The following SPARCL1 variants were observed in gnomAD, a reference collection of about 807,000 sequenced individuals.
The protein encoded by SPARCL1 is SPARC-like protein 1.
Under a neutral mutation model 67.1 loss-of-function variants are expected in SPARCL1, and 52 were observed. The ratio of observed to expected loss-of-function variants is 0.78; its 90% CI spans 0.62 to 0.98. The LOEUF (loss-of-function observed/expected upper bound fraction) is 0.98. Among genes scored for constraint, SPARCL1 ranks in the 50% least tolerant of loss-of-function variants. The pLI, the probability that SPARCL1 is intolerant of heterozygous loss-of-function variation, is 0.00. For synonymous variants in SPARCL1, 226 were observed against 267.8 expected, an observed-to-expected ratio of 0.84 and a Z score of 1.52; for missense variants, 717 against 782.4, an observed-to-expected ratio of 0.92 and a Z score of 1.00.
intron 7 of SPARCL1, among the ~76,000 whole-genome samples, chr4:87,485,560 C>A (rs1247530076): frequency 6.8e-6 from 1 of 146,966 alleles, no homozygotes; most frequent in African/African-American, 2.5e-5. Flanking sequence ...GTTTTGGTAT[C>A]AGGATGATGC....
Position 87,499,505 on chromosome 4 carries a change from A to AAG in SPARCL1, c.54+14_54+15dup. ...TCAGGAGAAAGAGATGTAATAACAG[A>AAG]AGAAAGGAAATTTACCGGGATTGCA... On this transcript the variant is annotated intron_variant, in intron 2 of 10. Coordinates refer to ENST00000282470, the MANE Select transcript of SPARCL1 (RefSeq NM_004684.6). 1 of 1,599,574 alleles carries AAG rather than the reference A, an allele frequency of 6.3e-7. No individual in the cohort carries two copies. Among genetic ancestry groups the AAG allele is most frequent in the Non-Finnish European group, 8.5e-7 (1 of 1,172,730 alleles).
chr4:87,510,028 C>G (rs539929091), intron 1 of SPARCL1, among the ~76,000 whole-genome samples: 29 of 152,164 alleles, frequency 1.9e-4, no homozygotes, highest in Admixed American at 7.9e-4. Context: ...CATTTCAAGA[C>G]TTTTTTGAGT....
At chr4:87,493,537 A>G (rs1413620633) in intron 4 of SPARCL1, 45 bp downstream of exon 4, 2 of 1,534,276 alleles carry the variant, frequency 1.3e-6, no homozygotes, top group South Asian at 2.5e-5. Context: ...CTGTTTATTG[A>G]TAATGCTGGC....
intron 1 of SPARCL1, among the ~76,000 whole-genome samples, chr4:87,518,843 C>T (rs1033612329): frequency 6.6e-6 from 1 of 152,170 alleles, no homozygotes; most frequent in Admixed American, 6.5e-5. Context: ...TAATAGAATA[C>T]TCCCTTGATT....
intron 1 of SPARCL1, among the ~76,000 whole-genome samples, chr4:87,511,185 G>GTTGC (rs1265879601): frequency 2.0e-5 from 3 of 152,108 alleles, no homozygotes; most frequent in Non-Finnish European, 4.4e-5. Context: ...CAGAGAATGG[G>GTTGC]TTGCTCATTT....
In SPARCL1 at chr4:87,495,100, A is replaced by C; in HGVS notation, c.82T>G (p.Ser28Ala). 1 of 1,610,932 alleles carries C rather than the reference A, an allele frequency of 6.2e-7. No individual in the cohort carries two copies. The highest frequency in any genetic ancestry group is 1.7e-5 in the Admixed American group (1 of 59,114). ...GCTACCGTTTCAGCAGTTGGTTTGG[A>C]ATGATCAGATAATAATCTTGCATTT... ...PTNARLLSDH[S>A]KPTAETVAPD... The change falls in exon 3 of 11, where the codon TCC (serine) becomes GCC (alanine). Residue 28 changes from serine to alanine, a missense_variant. Transcript: ENST00000282470.
intron 1 of SPARCL1, among the ~76,000 whole-genome samples, chr4:87,507,980 G>A (rs1431782601): frequency 2.6e-5 from 4 of 152,210 alleles, no homozygotes; most frequent in Non-Finnish European, 5.9e-5. Flanking sequence ...GGGGGAAGGG[G>A]CACAGAGCTG....
intron 5 of SPARCL1, 44 bp from the exon 6 acceptor site, chr4:87,490,922 GA>G (rs757768682): frequency 1.1e-5 from 12 of 1,120,870 alleles, no homozygotes; most frequent in Non-Finnish European, 1.3e-5. Context: ...AAGTTAAATT[GA>G]GTATGTAAAT....
Position 87,473,388 on chromosome 4 carries a change from C to T in SPARCL1, c.*387G>A, listed in dbSNP as rs561944533. 415 of 157,306 alleles carry T rather than the reference C, an allele frequency of 2.6e-3. 4 individuals carry two copies. The highest frequency in any genetic ancestry group is 3.1e-3 in the Non-Finnish European group (222 of 71,504). The allele number at this position is 157,306 out of a possible 1,614,324, so 9.7% of individuals were successfully genotyped here. ...GTATTAAGATATTGAAAATAATACA[C>T]GTAAACCACAAAAGAGTAGCATTCC... On this transcript the variant is annotated 3_prime_UTR_variant, in exon 11 of 11. Transcript: ENST00000282470.
chr4:87,487,192 G>A (rs893508423), intron 7 of SPARCL1, among the ~76,000 whole-genome samples: 1 of 151,794 alleles, frequency 6.6e-6, no homozygotes, highest in Non-Finnish European at 1.5e-5. Flanking sequence ...TAGTGTCGAT[G>A]GTCTTTACAA....
At chr4:87,527,756 G>A (rs965046155) in intron 1 of SPARCL1, among the ~76,000 whole-genome samples, 7 of 152,132 alleles carry the variant, frequency 4.6e-5, no homozygotes, top group African/African-American at 1.7e-4. Context: ...TGTGGAAAGT[G>A]GCACTAGTTG....
chr4:87,495,146 G>A lies in SPARCL1; in HGVS notation c.55-19C>T, dbSNP rs1328420564. 1 of 1,594,786 alleles carries A rather than the reference G, an allele frequency of 6.3e-7. No individual in the cohort carries two copies. The highest frequency in any genetic ancestry group is 1.8e-5 in the Admixed American group (1 of 54,282). ...CATTTGTCTGAAAAAATTAAAAACT[G>A]GTTTTTGTTATTCATGTCTGGATGC... On this transcript the variant is annotated intron_variant, in intron 2 of 10. Coordinates refer to ENST00000282470, the MANE Select transcript of SPARCL1 (RefSeq NM_004684.6).
At chr4:87,499,494 T>C (rs758233460) in intron 2 of SPARCL1, 27 bp downstream of exon 2, 6 of 1,575,056 alleles carry the variant, frequency 3.8e-6, no homozygotes, top group Non-Finnish European at 5.2e-6. Flanking sequence ...GAGAAAGAGA[T>C]GTAATAACAG....
chr4:87,506,772 ATC>A (rs1725093861), intron 1 of SPARCL1, among the ~76,000 whole-genome samples: 2 of 47,884 alleles, frequency 4.2e-5, no homozygotes, highest in East Asian at 2.7e-3. Flanking sequence ...CTATATCTCT[ATC>A]TATCTATCAT....
Position 87,479,418 on chromosome 4 carries a change from T to C in SPARCL1, c.1966+12A>G, listed in dbSNP as rs1578093047. On this transcript the variant is annotated intron_variant, in intron 10 of 10. Transcript: ENST00000282470. ...GAAGACATCCCTCTTCTTTGGCTGGTGATGAATTTACCTTCTTTAATTCCA... is the reference window on the plus strand; with the variant it reads ...GAAGACATCCCTCTTCTTTGGCTGGCGATGAATTTACCTTCTTTAATTCCA... 6.2e-7 allele frequency: 1 copy of C among 1,611,480 alleles called. No individual in the cohort carries two copies.
intron 1 of SPARCL1, among the ~76,000 whole-genome samples, chr4:87,509,788 C>A (rs184659198): frequency 1.1e-4 from 17 of 152,282 alleles, no homozygotes. Flanking sequence ...TGTGTGTGCA[C>A]GCATGTGTGT....
intron 7 of SPARCL1, among the ~76,000 whole-genome samples, chr4:87,484,259 A>T (rs938695786): frequency 6.6e-6 from 1 of 152,146 alleles, no homozygotes; most frequent in African/African-American, 2.4e-5. Flanking sequence ...TAATTTTTGT[A>T]TGAAGTGTAA....
At position 87,493,818 on chromosome 4, in the gene SPARCL1, C is replaced by T. The variant is rs148930868; in HGVS notation, c.982G>A (p.Gly328Ser). 15 of 1,614,166 alleles carry T rather than the reference C, an allele frequency of 9.3e-6. No individual in the cohort carries two copies. In the African/African-American group the frequency reaches 1.3e-4, roughly 14 times the overall value. Residue 328 changes from glycine to serine, a missense_variant, in exon 4 of 11, where the codon GGT becomes AGT. Coordinates refer to ENST00000282470, the MANE Select transcript of SPARCL1 (RefSeq NM_004684.6). ...CCATGATTTCTGGGCGTGGTATTAC[C>T]ATCATCAGTAGGTTCCATGAGCAGA... ...EALLMEPTDD[G>S]NTTPRNHGVD...
intron 1 of SPARCL1, among the ~76,000 whole-genome samples, chr4:87,509,749 T>C (rs937832956): frequency 6.6e-6 from 1 of 152,240 alleles, no homozygotes; most frequent in Non-Finnish European, 1.5e-5. Context: ...CATAGAGCTA[T>C]AGGGACCCAA....
Sources: allele counts gnomAD v4.1 joint callset (sites outside exome capture counted in the v4.1 genomes callset), GRCh38; gene constraint gnomAD v4.1.1; transcripts MANE v1.5; gene names NCBI Gene and HGNC (gene_info 2026-07-23, HGNC 2026-07-21).